The following KAZN variants were observed in gnomAD, a reference collection of about 807,000 sequenced individuals.
KAZN encodes kazrin, periplakin interacting protein, also known as kazrin.
KAZN carries 40 observed loss-of-function variants against 87.4 expected under a neutral mutation model. The ratio of observed to expected loss-of-function variants is 0.46; its 90% confidence interval spans 0.36 to 0.60. The LOEUF (loss-of-function observed/expected upper bound fraction) is 0.60. KAZN is among the 20% of genes least tolerant of loss of function. The pLI, the probability that KAZN is intolerant of heterozygous loss-of-function variation, is 0.00. For synonymous variants in KAZN, 466 were observed against 458.3 expected (o/e 1.02, Z -0.22); for missense variants, 898 against 1,073.9 (o/e 0.84, Z 2.29).
chr1:14,699,671 A>C (rs1641811608), intron 1 of KAZN, among the ~76,000 whole-genome samples: 1 of 152,224 alleles, frequency 6.6e-6, no homozygotes, highest in Non-Finnish European at 1.5e-5. Flanking sequence ...TCTTCAAAGA[A>C]GTGCCATTTG....
At chr1:15,093,052 G>A (rs953921304) in intron 8 of KAZN, among the ~76,000 whole-genome samples, 13 of 151,814 alleles carry the variant, frequency 8.6e-5, no homozygotes, top group African/African-American at 3.1e-4. Flanking sequence ...CCGCTGTGTT[G>A]TTTACAATAG....
At chr1:14,764,457 A>C (rs1481458604) in intron 1 of KAZN, among the ~76,000 whole-genome samples, 1 of 140,956 alleles carries the variant, frequency 7.1e-6, no homozygotes, top group Non-Finnish European at 1.5e-5. Flanking sequence ...TATACGATTT[A>C]CTGATTTATT....
intron 2 of KAZN, among the ~76,000 whole-genome samples, chr1:14,197,157 C>A (rs899937286): frequency 6.6e-6 from 1 of 151,848 alleles, no homozygotes; most frequent in East Asian, 1.9e-4. Context: ...TACCAAGGGG[C>A]AGATCATGGG....
In KAZN at chr1:14,598,714, G is replaced by T. The variant is rs1676683476; in HGVS notation, c.-284G>T. ...TTGGAGCAGCTCTCGGCGCCCGCCC[G>T]CCGGGGTCTCGGCGATCGCTGCTCC... On this transcript the variant is annotated 5_prime_UTR_variant, in exon 1 of 15. Transcript: ENST00000376030. This position sits in a 1 kb window ranked among gnomAD's most constrained non-coding sequence, Gnocchi z 4.2. The T allele has an allele frequency of 7.6e-7, 1 of 1,315,386 alleles. No homozygotes were observed. The allele number at this position is 1,315,386 out of a possible 1,614,324, so 81.5% of individuals were successfully genotyped here.
At chr1:14,489,565 C>T (rs1400879129) in intron 2 of KAZN, among the ~76,000 whole-genome samples, 4 of 151,936 alleles carry the variant, frequency 2.6e-5, no homozygotes, top group Non-Finnish European at 4.4e-5. Flanking sequence ...GAAACCTCAT[C>T]TATACTGAAA....
At chr1:14,098,045 T>C (rs1644167713) in intron 1 of KAZN, among the ~76,000 whole-genome samples, 1 of 151,968 alleles carries the variant, frequency 6.6e-6, no homozygotes, top group Admixed American at 6.6e-5. Flanking sequence ...TTTTTTTTTA[T>C]TATCTCCATT....
chr1:14,312,831 A>C (rs1454793324), intron 2 of KAZN, among the ~76,000 whole-genome samples: 3 of 152,122 alleles, frequency 2.0e-5, no homozygotes, highest in African/African-American at 7.2e-5. Context: ...TCTGGCCTAT[A>C]GTCAGCAAGC....
intron 1 of KAZN, among the ~76,000 whole-genome samples, chr1:14,938,359 T>C (rs559260625): frequency 6.6e-6 from 1 of 152,180 alleles, no homozygotes; most frequent in Non-Finnish European, 1.5e-5. Context: ...CTGGCCAAAA[T>C]GGCAAAACCG....
chr1:14,873,822 G>A (rs1450592222), intron 1 of KAZN, among the ~76,000 whole-genome samples: 1 of 152,210 alleles, frequency 6.6e-6, no homozygotes, highest in African/African-American at 2.4e-5. Context: ...GCAAAGTGGG[G>A]CAAAGTGGCG....
At chr1:14,323,398 C>T (rs1048456234) in intron 2 of KAZN, among the ~76,000 whole-genome samples, 8 of 152,056 alleles carry the variant, frequency 5.3e-5, no homozygotes, top group Non-Finnish European at 7.4e-5. Flanking sequence ...GTCACCAAAT[C>T]ATTTACCTTC....
At chr1:14,476,981 A>G (rs534526537) in intron 2 of KAZN, among the ~76,000 whole-genome samples, 2 of 152,274 alleles carry the variant, frequency 1.3e-5, no homozygotes, top group African/African-American at 2.4e-5. Context: ...AAGACTTTTT[A>G]TCATTCATGT....
intron 1 of KAZN, among the ~76,000 whole-genome samples, chr1:14,809,193 C>T (rs558292361): frequency 6.6e-6 from 1 of 152,306 alleles, no homozygotes; most frequent in East Asian, 1.9e-4. Flanking sequence ...AGCACATTAC[C>T]TCCCAAACAA....
intron 10 of KAZN, among the ~76,000 whole-genome samples, chr1:15,095,926 G>A (rs1215842814): frequency 4.6e-5 from 7 of 152,300 alleles, no homozygotes; most frequent in Admixed American, 2.6e-4. Context: ...CTTAGGGAGC[G>A]ACTCAGAGCA....
At chr1:13,982,831 G>A (rs1358571128) in intron 1 of KAZN, among the ~76,000 whole-genome samples, 1 of 151,408 alleles carries the variant, frequency 6.6e-6, no homozygotes, top group Admixed American at 6.6e-5. Flanking sequence ...GATTGGTGCT[G>A]ATTATAAACC....
At position 14,726,146 on chromosome 1, in the gene KAZN, C is replaced by G. The variant is rs988201257; in HGVS notation, c.226+126923C>G. Among the ~76,000 whole-genome samples, 3 of 152,218 alleles carry G rather than the reference C, an allele frequency of 2.0e-5. No homozygotes were observed. The East Asian group carries it at 5.8e-4, about 29-fold the overall frequency. On this transcript the variant is annotated intron_variant, in intron 1 of 14. Coordinates refer to ENST00000376030, the MANE Select transcript of KAZN (RefSeq NM_201628.3). ...GAATGAGGCTTCAGATGCTTTGGTT[C>G]TGCAGGAAAGGCCACCAACAGGGAT...
chr1:13,910,227 G>A (rs182928383), intron 1 of KAZN, among the ~76,000 whole-genome samples: 248 of 152,296 alleles, frequency 1.6e-3, no homozygotes, highest in Non-Finnish European at 2.8e-3. Context: ...ATGTGACACA[G>A]GCTGGGTGTG....
At chr1:14,097,759 T>C (rs1016113178) in intron 1 of KAZN, among the ~76,000 whole-genome samples, 1 of 152,214 alleles carries the variant, frequency 6.6e-6, no homozygotes, top group Non-Finnish European at 1.5e-5. Context: ...CTCTCAGATA[T>C]GCTTAACTTG....
At chr1:14,631,402 A>G (rs973669449) in intron 1 of KAZN, among the ~76,000 whole-genome samples, 8 of 152,212 alleles carry the variant, frequency 5.3e-5, no homozygotes, top group African/African-American at 1.4e-4. Flanking sequence ...GGGAATTACC[A>G]TCAATCACAA....
rs1197866471 is a variant in KAZN at position 14,416,668 on chromosome 1, C to CA, written c.250-182314dup. On this transcript the variant is annotated intron_variant, in intron 2 of 16. Transcript: ENST00000636203. ...AGGAGAATTGCTTGAACCCAGGAGA[C>CA]AGAGGTTGCAGTGAGCTGAGATCAC... Among the ~76,000 whole-genome samples the CA allele has an allele frequency of 2.0e-5, 3 of 151,998 alleles. No homozygotes were observed. In the East Asian group the frequency reaches 5.8e-4, roughly 30 times the overall value.
Sources: gnomAD v4.1 joint callset for allele counts (sites outside exome capture counted in the v4.1 genomes callset) on GRCh38, gnomAD v4.1.1 for gene constraint, Gnocchi (gnomAD v3.1) non-coding constraint, MANE v1.5 for transcripts, NCBI Gene and HGNC (gene_info 2026-07-23, HGNC 2026-07-21) for gene names.